The following OTUD7A variants were observed in gnomAD, a reference collection of about 807,000 sequenced individuals.
OTUD7A encodes OTU deubiquitinase 7A, also known as OTU domain-containing protein 7A.
Under a neutral mutation model 65.7 loss-of-function variants are expected in OTUD7A, and 12 were observed. The ratio of observed to expected loss-of-function variants is 0.18; its 90% CI spans 0.12 to 0.30. OTUD7A has a LOEUF of 0.30. Ranked by LOEUF, OTUD7A falls within the 10% of genes least tolerant of loss-of-function variation. The pLI, the probability that OTUD7A is intolerant of heterozygous loss-of-function variation, is 1.00. For synonymous variants in OTUD7A, 641 were observed against 586.3 expected, an observed-to-expected ratio of 1.09 and a Z score of -1.35; for missense variants, 1,148 against 1,304.8, an observed-to-expected ratio of 0.88 and a Z score of 1.85.
intron 1 of OTUD7A, among the ~76,000 whole-genome samples, chr15:31,675,894 AAG>A (rs769880412): frequency 1.7e-4 from 26 of 152,240 alleles, no homozygotes; most frequent in Middle Eastern, 3.2e-3. Context: ...GAGGTATAGA[AAG>A]AGAACTTCAA....
chr15:31,524,896 G>A (rs188463160), intron 8 of OTUD7A, among the ~76,000 whole-genome samples: 40 of 152,292 alleles, frequency 2.6e-4, no homozygotes, highest in Middle Eastern at 3.4e-3. Flanking sequence ...TGAATCCCTC[G>A]GGCCCCAGGG....
At chr15:31,729,993 T>C (rs529923845) in intron 1 of OTUD7A, among the ~76,000 whole-genome samples, 1 of 152,288 alleles carries the variant, frequency 6.6e-6, no homozygotes, top group African/African-American at 2.4e-5. Flanking sequence ...CAAATTCATA[T>C]ATTGAAACCC....
chr15:31,826,495 T>C (rs1224532964), intron 1 of OTUD7A, among the ~76,000 whole-genome samples: 1 of 152,218 alleles, frequency 6.6e-6, no homozygotes, highest in Non-Finnish European at 1.5e-5. Context: ...AACCACTTTT[T>C]TTCCCTTGGC....
chr15:31,483,634 G>C lies in OTUD7A; in HGVS notation c.2462C>G (p.Ala821Gly). Residue 821 changes from alanine (A) to glycine (G), a missense_variant, in exon 13 of 13, where the codon GCC becomes GGC. Physicochemically the swap from Ala to Gly is moderately conservative, Grantham distance 60 (BLOSUM62 0). Coordinates refer to ENST00000307050, the MANE Select transcript of OTUD7A (RefSeq NM_001382637.1). ...LSSQSYSPAR[A>G]AALRTVNTVE... ...CGTGTTGACGGTGCGCAGGGCGGCG[G>C]CGCGCGCCGGGCTGTAGCTCTGCGA... The C allele has an allele frequency of 5.1e-6, 6 of 1,180,340 alleles. No individual in the cohort carries two copies. Among genetic ancestry groups the C allele is most frequent in the Non-Finnish European group, 6.3e-6 (6 of 957,684 alleles). The allele number at this position is 1,180,340 out of a possible 1,614,324, so 73.1% of individuals were successfully genotyped here. A position where few individuals can be genotyped will look rare whatever the true frequency, so the allele number is the denominator to read the frequency against.
At chr15:31,500,230 C>T (rs547322994) in intron 10 of OTUD7A, among the ~76,000 whole-genome samples, 33 of 152,220 alleles carry the variant, frequency 2.2e-4, no homozygotes, top group Non-Finnish European at 3.8e-4. Context: ...GCAGGCATTC[C>T]GCATTCCGGA....
rs374850457 is a variant in OTUD7A at position 31,510,407 on chromosome 15, C to T, written c.894-6589G>A. 5.3e-5 allele frequency among the ~76,000 whole-genome samples: 8 copies of T among 149,752 alleles called. No individual in the cohort carries two copies. The East Asian group carries it at 1.5e-3, about 29-fold the overall frequency. On this transcript the variant is annotated intron_variant, in intron 8 of 12. Coordinates refer to ENST00000307050, the MANE Select transcript of OTUD7A (RefSeq NM_001382637.1). ...TTTTTTTCCCCTTCCCCTAGAGGAG[C>T]GACTGGCAGGAGTGGAGCTTAGTCT...
rs1244768576 is a variant in OTUD7A at position 31,610,593 on chromosome 15, T to TTATATATATA, written c.152-40406_152-40397dup. Among the ~76,000 whole-genome samples, 94 of 80,976 alleles carry TTATATATATA rather than the reference T, an allele frequency of 1.2e-3. 1 individual carries two copies. The highest frequency in any genetic ancestry group is 2.3e-3 in the East Asian group (5 of 2,176). 53.1% of individuals were successfully genotyped at this position (80,976 alleles called of 152,430 possible). On this transcript the variant is annotated intron_variant, in intron 3 of 12. Coordinates refer to ENST00000307050, the MANE Select transcript of OTUD7A (RefSeq NM_001382637.1). ...CTCAATAAATTTAAGAAAAATGAAA[T>TTATATATATA]TATATATATATATATATATATATAT...
rs2041157091 is a variant in OTUD7A at position 31,483,157 on chromosome 15, T to C, written c.*137A>G. On this transcript the variant is annotated 3_prime_UTR_variant, in exon 13 of 13. Coordinates refer to ENST00000307050, the MANE Select transcript of OTUD7A (RefSeq NM_001382637.1). Reference sequence around the variant, plus strand: ...TAGGTTCAGGCACCATTAGGAACGTTTGACCAAACACGTACACGGCACTGA... The same window carrying C: ...TAGGTTCAGGCACCATTAGGAACGTCTGACCAAACACGTACACGGCACTGA... The C allele has an allele frequency of 1.2e-6, 1 of 859,376 alleles. No homozygotes were observed. The allele number at this position is 859,376 out of a possible 1,614,324, so 53.2% of individuals were successfully genotyped here. A position where few individuals can be genotyped will look rare whatever the true frequency, so the allele number is the denominator to read the frequency against.
intron 1 of OTUD7A, among the ~76,000 whole-genome samples, chr15:31,848,451 T>A (rs60937044): frequency 0.6 from 90,136 of 150,826 alleles, 27,119 homozygotes; most frequent in East Asian, 0.69. Flanking sequence ...TTTTTATTTT[T>A]AAAAAAAAAC....
At position 31,597,870 on chromosome 15, in the gene OTUD7A, T is replaced by C. The variant is rs373131177; in HGVS notation, c.152-27673A>G. On this transcript the variant is annotated intron_variant, in intron 3 of 12. Transcript: ENST00000307050. Reference sequence around the variant, plus strand: ...ATAGAGCCTGGGCTGTGGACCCCCATAGAGGGGCTGCTGGGCTTCTGAGGG... The same window carrying C: ...ATAGAGCCTGGGCTGTGGACCCCCACAGAGGGGCTGCTGGGCTTCTGAGGG... 3.5e-4 allele frequency among the ~76,000 whole-genome samples: 54 copies of C among 152,196 alleles called. No homozygotes were observed. In the East Asian group the frequency reaches 6.2e-3, roughly 17 times the overall value.
intron 12 of OTUD7A, among the ~76,000 whole-genome samples, chr15:31,486,871 C>T (rs1417499525): frequency 6.6e-6 from 1 of 152,244 alleles, no homozygotes; most frequent in Middle Eastern, 3.2e-3. Flanking sequence ...GTGTTGATTC[C>T]TTCTGCAGAA....
At chr15:31,559,275 C>T (rs1888604378) in intron 4 of OTUD7A, 88 bp from the exon 5 acceptor site, 2 of 1,211,910 alleles carry the variant, frequency 1.7e-6, no homozygotes, top group African/African-American at 1.5e-5. Context: ...TATGCACACA[C>T]AATACACACA....
intron 3 of OTUD7A, among the ~76,000 whole-genome samples, chr15:31,626,922 T>G (rs971483077): frequency 1.3e-5 from 2 of 149,030 alleles, no homozygotes; most frequent in Non-Finnish European, 1.5e-5. Context: ...TATGGTTTCT[T>G]TTTTACACCT....
intron 1 of OTUD7A, among the ~76,000 whole-genome samples, chr15:31,856,307 T>C (rs1375121257): frequency 6.6e-6 from 1 of 152,216 alleles, no homozygotes. Flanking sequence ...TAGTAATGCC[T>C]CCTGGGAAAG....
At chr15:31,826,014 T>C (rs1896789322) in intron 1 of OTUD7A, among the ~76,000 whole-genome samples, 1 of 152,214 alleles carries the variant, frequency 6.6e-6, no homozygotes, top group Admixed American at 6.5e-5. Flanking sequence ...TCCCAGCTGC[T>C]TTTTGGGCTG....
At chr15:31,591,668 G>T (rs1889728146) in intron 3 of OTUD7A, among the ~76,000 whole-genome samples, 1 of 152,042 alleles carries the variant, frequency 6.6e-6, no homozygotes, top group Non-Finnish European at 1.5e-5. Flanking sequence ...CTTATAATAG[G>T]TCTGTCTCTC....
At chr15:31,613,500 C>A (rs1890492271) in intron 3 of OTUD7A, among the ~76,000 whole-genome samples, 1 of 152,018 alleles carries the variant, frequency 6.6e-6, no homozygotes, top group African/African-American at 2.4e-5. Flanking sequence ...CATGAACAGA[C>A]AATTCTCAAA....
At position 31,592,904 on chromosome 15, in the gene OTUD7A, A is replaced by AATAT. The variant is rs1226266359; in HGVS notation, c.152-22711_152-22708dup. ...CAAAAAAAAAAAAAAAAAAAAAAAA[A>AATAT]ATATATATATATATATATATATATA... On this transcript the variant is annotated intron_variant, in intron 3 of 12. Coordinates refer to ENST00000307050, the MANE Select transcript of OTUD7A (RefSeq NM_001382637.1). 4.4e-3 allele frequency among the ~76,000 whole-genome samples: 260 copies of AATAT among 59,348 alleles called. 6 individuals are homozygous for AATAT. Among genetic ancestry groups the AATAT allele is most frequent in the Middle Eastern group, 0.019 (1 of 54 alleles). 38.9% of individuals were successfully genotyped at this position (59,348 alleles called of 152,430 possible). A position where few individuals can be genotyped will look rare whatever the true frequency, so the allele number is the denominator to read the frequency against.
At chr15:31,734,671 A>G (rs1290211589) in intron 1 of OTUD7A, among the ~76,000 whole-genome samples, 1 of 152,030 alleles carries the variant, frequency 6.6e-6, no homozygotes. Flanking sequence ...TCTCTATTTA[A>G]TAAGTGGTGC....
Sources: allele counts gnomAD v4.1 joint callset (sites outside exome capture counted in the v4.1 genomes callset), GRCh38; gene constraint gnomAD v4.1.1; transcripts MANE v1.5; gene names NCBI Gene and HGNC (gene_info 2026-07-23, HGNC 2026-07-21).